Variants in PPARGC1A observed in about 807,000 individuals in gnomAD.
PPARGC1A encodes PPARG coactivator 1 alpha.
In PPARGC1A, 25 loss-of-function variants were observed where a neutral mutation model predicts 88.7. The ratio of observed to expected loss-of-function variants is 0.28; its 90% CI spans 0.21 to 0.39. The LOEUF (loss-of-function observed/expected upper bound fraction) is 0.39. Ranked by LOEUF, PPARGC1A falls within the 10% of genes least tolerant of loss-of-function variation. The pLI is 1.00. For synonymous variants in PPARGC1A, 363 were observed against 355.6 expected, an observed-to-expected ratio of 1.02 and a Z score of -0.24; for missense variants, 880 against 968.7, an observed-to-expected ratio of 0.91 and a Z score of 1.22.
the PPARGC1A span, among the ~76,000 whole-genome samples, chr4:24,276,150 C>G: frequency 6.6e-6 from 1 of 152,164 alleles, no homozygotes; most frequent in African/African-American, 2.4e-5. Flanking sequence ...GTTCCGAAGA[C>G]TCAAAGAAAG....
chr4:24,162,010 A>G, the PPARGC1A span, among the ~76,000 whole-genome samples: 1 of 127,924 alleles, frequency 7.8e-6, no homozygotes, highest in African/African-American at 2.9e-5. Context: ...ACACACACAC[A>G]CACCATGGAA....
chr4:24,317,765 A>G, the PPARGC1A span, among the ~76,000 whole-genome samples: 1 of 151,874 alleles, frequency 6.6e-6, no homozygotes, highest in Admixed American at 6.6e-5. Flanking sequence ...ACCTATACGC[A>G]AGCACAAGAA....
chr4:23,888,811 C>G (rs760034063), intron 1 of PPARGC1A: 1 of 389,880 alleles, frequency 2.6e-6, no homozygotes, highest in Non-Finnish European at 3.5e-6. Context: ...AATCAAATCA[C>G]GTGTGGGCTT....
chr4:24,230,326 G>A, the PPARGC1A span, among the ~76,000 whole-genome samples: 6 of 152,296 alleles, frequency 3.9e-5, no homozygotes, highest in East Asian at 3.9e-4. Context: ...CCACTTCAGC[G>A]ATTCTTAATC....
chr4:23,846,121 A>T (rs993765919), intron 2 of PPARGC1A, among the ~76,000 whole-genome samples: 1 of 152,236 alleles, frequency 6.6e-6, no homozygotes, highest in Non-Finnish European at 1.5e-5. Context: ...AAATGACAAG[A>T]CAGGTGTAAA....
chr4:24,227,863 G>A, the PPARGC1A span, among the ~76,000 whole-genome samples: 1 of 152,180 alleles, frequency 6.6e-6, no homozygotes, highest in African/African-American at 2.4e-5. Flanking sequence ...GGTGATGAGA[G>A]GCAAAAAATA....
chr4:24,266,297 C>G, the PPARGC1A span, among the ~76,000 whole-genome samples: 6 of 152,066 alleles, frequency 3.9e-5, no homozygotes, highest in Non-Finnish European at 8.8e-5. Flanking sequence ...TAAGGTGTGC[C>G]GCTGAGGAGT....
intron 2 of PPARGC1A, among the ~76,000 whole-genome samples, chr4:23,870,257 CTT>C (rs1399835396): frequency 6.6e-6 from 1 of 152,138 alleles, no homozygotes; most frequent in Non-Finnish European, 1.5e-5. Flanking sequence ...TTTATTAAAA[CTT>C]TTTTATGGAA....
the PPARGC1A span, among the ~76,000 whole-genome samples, chr4:24,009,133 T>TAAAA: frequency 1.7e-3 from 128 of 74,464 alleles, no homozygotes; most frequent in African/African-American, 5.4e-3. Flanking sequence ...CCGCAGTCTA[T>TAAAA]AAAAAAAAAA....
At chr4:23,952,030 T>C in the PPARGC1A span, among the ~76,000 whole-genome samples, 1 of 152,174 alleles carries the variant, frequency 6.6e-6, no homozygotes, top group Middle Eastern at 3.4e-3. Context: ...TGGCCCACGG[T>C]CACTCTGTGT....
intron 7 of PPARGC1A, among the ~76,000 whole-genome samples, chr4:23,815,146 G>A (rs1244179890): frequency 6.6e-6 from 1 of 151,818 alleles, no homozygotes; most frequent in East Asian, 1.9e-4. Context: ...AAAAAAGATG[G>A]GATGACAGGA....
the PPARGC1A span, among the ~76,000 whole-genome samples, chr4:24,052,497 C>T: frequency 3.3e-5 from 5 of 152,112 alleles, no homozygotes; most frequent in African/African-American, 7.2e-5. Flanking sequence ...ATTAGCTGGG[C>T]ATGGTGGTGC....
chr4:24,327,379 C>G, the PPARGC1A span, among the ~76,000 whole-genome samples: 1 of 152,166 alleles, frequency 6.6e-6, no homozygotes, highest in African/African-American at 2.4e-5. Context: ...GCTGATATCT[C>G]CTCGTGCTAT....
chr4:24,445,052 CAA>C, the PPARGC1A span, among the ~76,000 whole-genome samples: 1 of 149,788 alleles, frequency 6.7e-6, no homozygotes, highest in African/African-American at 2.5e-5. Context: ...GACCCTGTCT[CAA>C]AAAAAAAGAG....
At chr4:23,828,020 CA>C (rs1724308838) in intron 5 of PPARGC1A, among the ~76,000 whole-genome samples, 1 of 152,106 alleles carries the variant, frequency 6.6e-6, no homozygotes, top group African/African-American at 2.4e-5. Flanking sequence ...ACTGGTGCCT[CA>C]TTTTTTCCAT....
chr4:23,870,801 G>T (rs1181518313), intron 2 of PPARGC1A, among the ~76,000 whole-genome samples: 2 of 151,970 alleles, frequency 1.3e-5, no homozygotes, highest in African/African-American at 4.8e-5. Flanking sequence ...ACAGAAATTA[G>T]GTTTTCCAGT....
At chr4:23,854,335 T>C (rs886646385) in intron 2 of PPARGC1A, among the ~76,000 whole-genome samples, 4 of 152,212 alleles carry the variant, frequency 2.6e-5, no homozygotes, top group Admixed American at 2.6e-4. Flanking sequence ...GAAATCCCTT[T>C]GAAAACAATT....
At chr4:24,197,571 C>G in the PPARGC1A span, among the ~76,000 whole-genome samples, 5 of 152,140 alleles carry the variant, frequency 3.3e-5, no homozygotes, top group African/African-American at 1.2e-4. Flanking sequence ...CCCTGTTGCT[C>G]CTAAGACTTA....
the PPARGC1A span, among the ~76,000 whole-genome samples, chr4:24,378,329 T>C: frequency 6.6e-6 from 1 of 152,088 alleles, no homozygotes; most frequent in East Asian, 1.9e-4. Flanking sequence ...AGAGTTAGAA[T>C]TCATCTCAAA....
Sources: allele counts gnomAD v4.1 joint callset (sites outside exome capture counted in the v4.1 genomes callset), GRCh38; gene constraint gnomAD v4.1.1; transcripts MANE v1.5; gene names NCBI Gene and HGNC (gene_info 2026-07-23, HGNC 2026-07-21).